Variants in KCNT2 observed in about 807,000 individuals in gnomAD.
KCNT2 encodes the protein potassium channel subfamily T member 2.
A neutral mutation model predicts 153.8 loss-of-function variants in KCNT2; 67 were observed. That is an observed-to-expected ratio of 0.44 (90% CI 0.36 to 0.53). The LOEUF is 0.53. Ranked by LOEUF, KCNT2 falls within the 20% of genes least tolerant of loss-of-function variation. The pLI is 0.00. For synonymous variants in KCNT2, 500 were observed against 458.8 expected (o/e 1.09, Z -1.15); for missense variants, 975 against 1,354.8 (o/e 0.72, Z 4.40).
In KCNT2 at chr1:196,332,088, T is replaced by C. The variant is rs1572066533; in HGVS notation, c.1998-827A>G. On this transcript the variant is annotated intron_variant, in intron 17 of 27. Coordinates refer to ENST00000294725, the MANE Select transcript of KCNT2 (RefSeq NM_198503.5). ...AGTGTTTGATTTTAACAAATTTACC[T>C]GCTAAGCCATAAAATTTCTGACCTA... Among the ~76,000 whole-genome samples, 3 of 152,178 alleles carry C rather than the reference T, an allele frequency of 2.0e-5. No individual in the cohort carries two copies. In the South Asian group the frequency reaches 6.2e-4, roughly 31 times the overall value.
chr1:196,384,389 A>G (rs1669770968), intron 13 of KCNT2, among the ~76,000 whole-genome samples: 1 of 152,144 alleles, frequency 6.6e-6, no homozygotes, highest in Non-Finnish European at 1.5e-5. Flanking sequence ...CAGACCAAAA[A>G]AACCCAGAGC....
chr1:196,469,024 T>G lies in KCNT2; in HGVS notation c.429A>C (p.Glu143Asp), dbSNP rs1384307896. ...EQILRIPFIL[E>D]IINAVPFIIS... Reference sequence around the variant, plus strand: ...TAATGAAGGGAACTGCATTAATTATTTCCAAGATGAAGGGTATTCGTAAAA... The same window carrying G: ...TAATGAAGGGAACTGCATTAATTATGTCCAAGATGAAGGGTATTCGTAAAA... Residue 143 changes from glutamate (E) to aspartate (D), a missense_variant, in exon 6 of 28, where the codon GAA becomes GAC. Glu to Asp is a conservative substitution (Grantham distance 45, BLOSUM62 2). Around this residue, in one of 6 missense-constraint regions of KCNT2, gnomAD observed 140 missense variants for 216.0 expected, o/e 0.65. Coordinates refer to ENST00000294725, the MANE Select transcript of KCNT2 (RefSeq NM_198503.5). The G allele has an allele frequency of 5.6e-6, 9 of 1,602,960 alleles. No individual in the cohort carries two copies. The highest frequency in any genetic ancestry group is 1.1e-5 in the South Asian group (1 of 89,946).
At chr1:196,502,971 G>A (rs768787806) in intron 1 of KCNT2, among the ~76,000 whole-genome samples, 4 of 151,930 alleles carry the variant, frequency 2.6e-5, no homozygotes, top group African/African-American at 9.7e-5. Flanking sequence ...ACTGTATGAG[G>A]TGGGCAGGCC....
chr1:196,306,962 T>C (rs1032534511), intron 21 of KCNT2, among the ~76,000 whole-genome samples: 6 of 152,076 alleles, frequency 3.9e-5, no homozygotes, highest in African/African-American at 1.4e-4. Flanking sequence ...ATCTTCGTTT[T>C]GGTAATAAAT....
At position 196,608,410 on chromosome 1, in the gene KCNT2, G is replaced by A; in HGVS notation, c.-101C>T. 1 of 902,182 alleles carries A rather than the reference G, an allele frequency of 1.1e-6. No homozygotes were observed. Among genetic ancestry groups the A allele is most frequent in the Non-Finnish European group, 1.8e-6 (1 of 554,480 alleles). 55.9% of individuals were successfully genotyped at this position (902,182 alleles called of 1,614,324 possible). On this transcript the variant is annotated 5_prime_UTR_variant, in exon 1 of 28. Coordinates refer to ENST00000294725, the MANE Select transcript of KCNT2 (RefSeq NM_198503.5). ...ACAGGGAGAGGACTAACAAGACGCTGTGGCCGAGAGAGGGATGGGAGAAGG... is the reference window on the plus strand; with the variant it reads ...ACAGGGAGAGGACTAACAAGACGCTATGGCCGAGAGAGGGATGGGAGAAGG...
At chr1:196,253,403 C>T (rs1353709189) in intron 26 of KCNT2, among the ~76,000 whole-genome samples, 4 of 151,324 alleles carry the variant, frequency 2.6e-5, no homozygotes, top group Non-Finnish European at 1.5e-5. Flanking sequence ...TCAATTTGGT[C>T]TCTTCTATCT....
chr1:196,285,977 C>T (rs145883226), intron 22 of KCNT2, among the ~76,000 whole-genome samples: 41 of 152,078 alleles, frequency 2.7e-4, no homozygotes, highest in Non-Finnish European at 5.4e-4. Flanking sequence ...GAAAGATCAA[C>T]ATTTTTTGTA....
At chr1:196,452,366 C>A (rs540095631) in intron 8 of KCNT2, among the ~76,000 whole-genome samples, 1 of 152,006 alleles carries the variant, frequency 6.6e-6, no homozygotes, top group South Asian at 2.1e-4. Flanking sequence ...TCTTTAGTCA[C>A]CATCAAAGTC....
At chr1:196,398,764 C>A in intron 12 of KCNT2, 93 bp from the exon 13 acceptor site, 1 of 629,822 alleles carries the variant, frequency 1.6e-6, no homozygotes. Context: ...TGGTCACATC[C>A]ATAGTTAAAA....
chr1:196,314,174 G>A (rs1245990320), intron 21 of KCNT2, among the ~76,000 whole-genome samples: 4 of 151,486 alleles, frequency 2.6e-5, no homozygotes, highest in Admixed American at 1.3e-4. Flanking sequence ...TATAATAAAA[G>A]TTAAATCAAT....
intron 13 of KCNT2, among the ~76,000 whole-genome samples, chr1:196,387,161 C>T (rs1177812196): frequency 6.6e-6 from 1 of 151,670 alleles, no homozygotes; most frequent in Non-Finnish European, 1.5e-5. Context: ...ATCCACAAAC[C>T]CATCTTCTAC....
chr1:196,544,144 G>T (rs1656747320), intron 1 of KCNT2, among the ~76,000 whole-genome samples: 1 of 152,048 alleles, frequency 6.6e-6, no homozygotes, highest in South Asian at 2.1e-4. Context: ...ATAACAATAA[G>T]TTATGGCATT....
intron 1 of KCNT2, among the ~76,000 whole-genome samples, chr1:196,545,955 C>T (rs939221915): frequency 4.6e-5 from 7 of 151,890 alleles, no homozygotes. Flanking sequence ...TACTTTTGGG[C>T]TATTATGGGT....
intron 13 of KCNT2, among the ~76,000 whole-genome samples, chr1:196,373,723 G>T (rs1277932426): frequency 1.3e-5 from 2 of 151,890 alleles, no homozygotes; most frequent in Middle Eastern, 3.4e-3. Context: ...ATTATTAAAA[G>T]ATTTAGCAGA....
intron 12 of KCNT2, among the ~76,000 whole-genome samples, chr1:196,418,703 T>A (rs1165676862): frequency 2.0e-5 from 3 of 152,124 alleles, no homozygotes; most frequent in Non-Finnish European, 4.4e-5. Context: ...ATCAGCCATA[T>A]TAGATTAGAG....
intron 16 of KCNT2, among the ~76,000 whole-genome samples, chr1:196,337,453 G>A (rs1032472730): frequency 1.3e-5 from 2 of 152,034 alleles, no homozygotes; most frequent in Non-Finnish European, 2.9e-5. Context: ...ATAAAGCCTT[G>A]CAATAATTCC....
chr1:196,504,221 C>T (rs1680932470), intron 1 of KCNT2, among the ~76,000 whole-genome samples: 1 of 150,276 alleles, frequency 6.7e-6, no homozygotes, highest in Non-Finnish European at 1.5e-5. Flanking sequence ...TCTCCTAATG[C>T]TATCCCTCCC....
intron 1 of KCNT2, among the ~76,000 whole-genome samples, chr1:196,589,329 A>G (rs1663064384): frequency 1.3e-5 from 2 of 152,026 alleles, no homozygotes; most frequent in Non-Finnish European, 2.9e-5. Context: ...TAAAAATTCT[A>G]TACATTAAAA....
intron 26 of KCNT2, among the ~76,000 whole-genome samples, chr1:196,240,168 T>C (rs1047669049): frequency 2.0e-5 from 3 of 152,026 alleles, no homozygotes; most frequent in Admixed American, 1.3e-4. Flanking sequence ...GAACATTCTA[T>C]ATAATATAAA....
Sources: gnomAD v4.1 joint callset for allele counts (sites outside exome capture counted in the v4.1 genomes callset) on GRCh38, gnomAD v4.1.1 for gene constraint, gnomAD v4.1.1 regional missense constraint, MANE v1.5 for transcripts, NCBI Gene and HGNC (gene_info 2026-07-23, HGNC 2026-07-21) for gene names.